The following MAP2K4 variants were observed in gnomAD, a reference collection of about 807,000 sequenced individuals.
The protein encoded by MAP2K4 is mitogen-activated protein kinase kinase 4.
Under a neutral mutation model 48.5 loss-of-function variants are expected in MAP2K4, and 4 were observed. That is an observed-to-expected ratio of 0.08 (90% CI 0.04 to 0.19). The LOEUF (loss-of-function observed/expected upper bound fraction) is 0.19. Ranked by LOEUF, MAP2K4 falls within the 10% of genes least tolerant of loss-of-function variation. The probability of loss-of-function intolerance (pLI) is 1.00; values close to 1 mark genes in which losing one functional copy is unlikely to be tolerated. For missense variants in MAP2K4, 258 were observed against 493.3 expected, an observed-to-expected ratio of 0.52 and a Z score of 4.52; for synonymous variants, 166 against 173.1, an observed-to-expected ratio of 0.96 and a Z score of 0.32.
At chr17:12,115,251 G>A (rs1972451791) in intron 7 of MAP2K4, among the ~76,000 whole-genome samples, 1 of 152,130 alleles carries the variant, frequency 6.6e-6, no homozygotes, top group Admixed American at 6.5e-5. Context: ...CCTCATGTAG[G>A]TACACAGTCT....
chr17:12,033,849 T>G (rs1969513103), intron 1 of MAP2K4, among the ~76,000 whole-genome samples: 1 of 152,180 alleles, frequency 6.6e-6, no homozygotes, highest in Non-Finnish European at 1.5e-5. Context: ...AGTCTCACTG[T>G]GTTTCCCAAG....
chr17:12,050,158 C>T (rs766347376), intron 1 of MAP2K4, among the ~76,000 whole-genome samples: 5 of 152,078 alleles, frequency 3.3e-5, no homozygotes, highest in Non-Finnish European at 5.9e-5. Context: ...ATACAGGTAA[C>T]AGAATCTTGC....
At chr17:12,113,133 T>C (rs1467812433) in intron 6 of MAP2K4, 100 bp from the exon 7 acceptor site, 1 of 1,042,498 alleles carries the variant, frequency 9.6e-7, no homozygotes, top group Non-Finnish European at 1.4e-6. Context: ...ACTTGACCAC[T>C]TATGTTGTCT....
intron 2 of MAP2K4, among the ~76,000 whole-genome samples, chr17:12,068,194 A>G (rs1164111461): frequency 6.6e-6 from 1 of 152,154 alleles, no homozygotes; most frequent in Non-Finnish European, 1.5e-5. Flanking sequence ...GGGTGTAGAG[A>G]CAGTTAGGTA....
chr17:12,133,270 T>A (rs1251734714), intron 9 of MAP2K4, among the ~76,000 whole-genome samples: 2 of 152,152 alleles, frequency 1.3e-5, no homozygotes, highest in Admixed American at 1.3e-4. Context: ...TTAATAGAGA[T>A]GGGGTTTCAC....
chr17:12,122,140 T>C (rs552314136), intron 7 of MAP2K4, among the ~76,000 whole-genome samples: 7 of 152,358 alleles, frequency 4.6e-5, no homozygotes, highest in South Asian at 4.1e-4. Context: ...TAGCTACAGA[T>C]AAAGTTTTAA....
At chr17:12,079,538 G>C (rs1022939038) in intron 2 of MAP2K4, among the ~76,000 whole-genome samples, 1 of 152,130 alleles carries the variant, frequency 6.6e-6, no homozygotes, top group Non-Finnish European at 1.5e-5. Context: ...CACTAAGAAG[G>C]TGGGGATCAT....
intron 4 of MAP2K4, among the ~76,000 whole-genome samples, chr17:12,101,599 T>C (rs1971938670): frequency 6.6e-6 from 1 of 152,116 alleles, no homozygotes; most frequent in African/African-American, 2.4e-5. Flanking sequence ...ATTTTTCTAA[T>C]TTGTAGGTCT....
At chr17:12,053,743 G>A (rs1176370613) in intron 1 of MAP2K4, among the ~76,000 whole-genome samples, 1 of 151,990 alleles carries the variant, frequency 6.6e-6, no homozygotes, top group African/African-American at 2.4e-5. Context: ...AGCAGATCTA[G>A]GGGCCGTGGC....
At position 12,095,576 on chromosome 17, in the gene MAP2K4, G is replaced by T; in HGVS notation, c.395G>T (p.Arg132Ile). The T allele has an allele frequency of 6.2e-7, 1 of 1,613,566 alleles. No homozygotes were observed. Among genetic ancestry groups the T allele is most frequent in the Non-Finnish European group, 8.5e-7 (1 of 1,179,826 alleles). The part of the protein sequence containing the change: ...KPSGQIMAVK[R>I]IRSTVDEKEQ... ...ACATCTTTTGTCATTCTTTTCCAGAGAATTCGGTCAACAGTGGATGAAAAA... is the reference window on the plus strand; with the variant it reads ...ACATCTTTTGTCATTCTTTTCCAGATAATTCGGTCAACAGTGGATGAAAAA... The change falls in exon 4 of 11, where the codon AGA becomes ATA. Residue 132 changes from arginine (R) to isoleucine (I), a missense_variant and splice_region_variant. Coordinates refer to ENST00000353533, the MANE Select transcript of MAP2K4 (RefSeq NM_003010.4).
In MAP2K4 at chr17:12,142,869, T is replaced by A; in HGVS notation, c.*1609T>A. The A allele has an allele frequency of 4.3e-6, 1 of 232,602 alleles. No individual in the cohort carries two copies. The highest frequency in any genetic ancestry group is 2.2e-5 in the African/African-American group (1 of 45,412). 14.4% of individuals were successfully genotyped at this position (232,602 alleles called of 1,614,324 possible). On this transcript the variant is annotated 3_prime_UTR_variant, in exon 11 of 11. Transcript: ENST00000353533. ...TGTGAGTGGTTCAAGCACACTGGAATATAAAACAGTCATGGCCTGAGATGC... is the reference window on the plus strand; with the variant it reads ...TGTGAGTGGTTCAAGCACACTGGAAAATAAAACAGTCATGGCCTGAGATGC...
chr17:12,021,104 C>T (rs1969021136), intron 1 of MAP2K4, 103 bp downstream of exon 1: 10 of 594,310 alleles, frequency 1.7e-5, no homozygotes, highest in African/African-American at 1.9e-5. Flanking sequence ...GAGGAAGCCA[C>T]GGCAGCCGCC....
intron 3 of MAP2K4, among the ~76,000 whole-genome samples, chr17:12,092,729 T>TA (rs1338227956): frequency 4.6e-5 from 7 of 152,284 alleles, no homozygotes; most frequent in Non-Finnish European, 1.0e-4. Flanking sequence ...AACATTAGTA[T>TA]AATTAAGAGT....
chr17:12,100,991 T>G (rs1971918171), intron 4 of MAP2K4, among the ~76,000 whole-genome samples: 1 of 152,146 alleles, frequency 6.6e-6, no homozygotes, highest in Non-Finnish European at 1.5e-5. Flanking sequence ...TTGCAGATAC[T>G]GTCTCCTGTC....
chr17:12,038,145 C>G (rs763038311), intron 1 of MAP2K4, among the ~76,000 whole-genome samples: 15 of 152,100 alleles, frequency 9.9e-5, no homozygotes, highest in Non-Finnish European at 1.9e-4. Context: ...TGAACAGATA[C>G]AGAGTAGAAA....
At chr17:12,131,618 A>G (rs1158531600) in intron 9 of MAP2K4, among the ~76,000 whole-genome samples, 1 of 151,992 alleles carries the variant, frequency 6.6e-6, no homozygotes, top group Non-Finnish European at 1.5e-5. Context: ...TCAGTTACAT[A>G]AATTAAAAGC....
At chr17:12,083,566 A>G (rs1277350820) in intron 3 of MAP2K4, among the ~76,000 whole-genome samples, 2 of 152,234 alleles carry the variant, frequency 1.3e-5, no homozygotes, top group Non-Finnish European at 2.9e-5. Context: ...ATGGCAGTAC[A>G]ACACATCAAT....
intron 8 of MAP2K4, among the ~76,000 whole-genome samples, chr17:12,125,869 T>C (rs923888466): frequency 1.3e-5 from 2 of 152,344 alleles, no homozygotes; most frequent in South Asian, 4.1e-4. Context: ...CTGAAAGTAA[T>C]TCAGTTTTTG....
chr17:12,023,237 T>C (rs1475543665), intron 1 of MAP2K4, among the ~76,000 whole-genome samples: 1 of 152,236 alleles, frequency 6.6e-6, no homozygotes, highest in Non-Finnish European at 1.5e-5. Flanking sequence ...AACAGTCTGT[T>C]ATAAAGCTTG....
Sources: gnomAD v4.1 joint callset for allele counts (sites outside exome capture counted in the v4.1 genomes callset) on GRCh38, gnomAD v4.1.1 for gene constraint, MANE v1.5 for transcripts, NCBI Gene and HGNC (gene_info 2026-07-23, HGNC 2026-07-21) for gene names.